CD6: variants seen among roughly 807,000 people sequenced by gnomAD.
CD6 encodes the protein T-cell differentiation antigen CD6.
Under a neutral mutation model 75.3 loss-of-function variants are expected in CD6, and 53 were observed. The ratio of observed to expected loss-of-function variants is 0.70; its 90% CI spans 0.56 to 0.88. CD6 has a LOEUF of 0.88. CD6 is among the 40% of genes least tolerant of loss of function. CD6 has a pLI of 0.00. For missense variants in CD6, 770 were observed against 897.1 expected (o/e 0.86, Z 1.81); for synonymous variants, 359 against 381.5 (o/e 0.94, Z 0.69).
chr11:60,986,541 C>T (rs755263447), intron 1 of CD6, among the ~76,000 whole-genome samples: 1 of 152,220 alleles, frequency 6.6e-6, no homozygotes, highest in Non-Finnish European at 1.5e-5. Flanking sequence ...AACTTTTAGT[C>T]ACCTGCATCT....
At chr11:61,005,019 C>T (rs1803348991) in intron 1 of CD6, among the ~76,000 whole-genome samples, 1 of 152,166 alleles carries the variant, frequency 6.6e-6, no homozygotes, top group Non-Finnish European at 1.5e-5. Context: ...CAGAGCCTCC[C>T]TTTGTGCTTT....
At chr11:60,989,772 G>A (rs1473466636) in intron 1 of CD6, among the ~76,000 whole-genome samples, 1 of 152,106 alleles carries the variant, frequency 6.6e-6, no homozygotes, top group Non-Finnish European at 1.5e-5. Flanking sequence ...GCCTCTTAGG[G>A]GCTCTATTGT....
At position 61,018,113 on chromosome 11, in the gene CD6, C is replaced by T. The variant is rs1565163568; in HGVS notation, c.1837+100C>T. On this transcript the variant is annotated intron_variant, in intron 11 of 12. Transcript: ENST00000313421. The stretch of plus-strand genomic sequence containing the variant: ...GTCAGGCTGAGGTCAGGATTCTACC[C>T]AGTTCCGCAGCCATTCGCTGTGTGC... The T allele has an allele frequency of 4.8e-6, 7 of 1,453,262 alleles. No homozygotes were observed. The South Asian group carries it at 7.6e-5, about 16-fold the overall frequency. 90.0% of individuals were successfully genotyped at this position (1,453,262 alleles called of 1,614,324 possible).
At chr11:61,008,439 A>G (rs1858982058) in intron 3 of CD6, 95 bp from the exon 4 acceptor site, 6 of 1,246,390 alleles carry the variant, frequency 4.8e-6, no homozygotes, top group Non-Finnish European at 6.6e-6. Context: ...CTGGGTCCAC[A>G]ACACGCTCAC....
intron 1 of CD6, among the ~76,000 whole-genome samples, chr11:60,974,999 C>T (rs1857314061): frequency 6.6e-6 from 1 of 152,150 alleles, no homozygotes; most frequent in Non-Finnish European, 1.5e-5. Context: ...TGGCGAGGTC[C>T]TCGAGGGCTG....
rs2074224 is a variant in CD6 at position 61,007,184 on chromosome 11, A to G, written c.119-376A>G. On this transcript the variant is annotated intron_variant, in intron 2 of 12. Transcript: ENST00000313421. This position sits in a 1 kb window ranked among gnomAD's most constrained non-coding sequence, Gnocchi z 4.2. ...CCCTCAGAGGAGCAGAGGGGCCTTCAGGGGAAGCATGCGCCCACTGGACCA... is the reference window on the plus strand; with the variant it reads ...CCCTCAGAGGAGCAGAGGGGCCTTCGGGGGAAGCATGCGCCCACTGGACCA... 0.2 allele frequency among the ~76,000 whole-genome samples: 30,211 copies of G among 152,090 alleles called. 3,610 individuals carry two copies. The highest frequency in any genetic ancestry group is 0.35 in the Middle Eastern group (103 of 294).
intron 1 of CD6, among the ~76,000 whole-genome samples, chr11:60,997,293 G>A (rs1467158848): frequency 6.6e-6 from 1 of 151,358 alleles, no homozygotes; most frequent in Non-Finnish European, 1.5e-5. Flanking sequence ...CAGGAGAATC[G>A]CTTGAACCTG....
rs755421143 is a variant in CD6 at position 61,011,112 on chromosome 11, C to T, written c.1127C>T (p.Ala376Val). ...AATCTGTCCACTCCCGAAGTCCCTG[C>T]AAGTGTTCAGACAGTCACTATAGGT... ...LHNLSTPEVP[A>V]SVQTVTIESS... Residue 376 changes from alanine to valine, a missense_variant, in exon 6 of 13, where the codon GCA (alanine) becomes GTA (valine). By Grantham distance (64) the Ala-to-Val change is moderately conservative (BLOSUM62 0). Coordinates refer to ENST00000313421, the MANE Select transcript of CD6 (RefSeq NM_006725.5). 2 of 1,613,946 alleles carry T rather than the reference C, an allele frequency of 1.2e-6. No individual in the cohort carries two copies. The highest frequency in any genetic ancestry group is 3.3e-5 in the Admixed American group (2 of 60,000).
Position 60,971,692 on chromosome 11 carries a change from G to A in CD6, c.-174G>A. On this transcript the variant is annotated 5_prime_UTR_variant, in exon 1 of 13. Transcript: ENST00000313421. The stretch of plus-strand genomic sequence containing the variant: ...GCAGGCGTGAGACACTCACAGGTTG[G>A]GTTTGATCGCATGCGTGTCGGAGAG... The A allele has an allele frequency of 3.1e-6, 2 of 639,794 alleles. No individual in the cohort carries two copies. Among genetic ancestry groups the A allele is most frequent in the Admixed American group, 2.5e-5 (1 of 40,288 alleles). The allele number at this position is 639,794 out of a possible 1,614,324, so 39.6% of individuals were successfully genotyped here.
rs893446159 is a variant in CD6, at chr11:61,018,359, C to T, written c.1908C>T (p.Pro636=). 4 of 1,605,788 alleles carry T rather than the reference C, an allele frequency of 2.5e-6. No individual in the cohort carries two copies. Among genetic ancestry groups the T allele is most frequent in the Admixed American group, 1.7e-5 (1 of 59,116 alleles). The change falls in exon 12 of 13, where the codon CCC becomes CCT. Residue 636 remains proline (P), a synonymous_variant. Coordinates refer to ENST00000313421, the MANE Select transcript of CD6 (RefSeq NM_006725.5). ...GGTACCAGAACTTCCAGCCACCACC[C>T]CAGCCCCCTTCGGAGGAGCAGTTTG... is the stretch of plus-strand genomic sequence containing the variant. ...GEWYQNFQPP[P]QPPSEEQFGC...
In CD6 at chr11:61,013,551, A is replaced by G. The variant is rs779096053; in HGVS notation, c.1279A>G (p.Lys427Glu). ...CATAGCCTTCATCCTCTTGAGAATTAAAGGAAAATATGGTAAGTGCAAGGT... is the reference window on the plus strand; with the variant it reads ...CATAGCCTTCATCCTCTTGAGAATTGAAGGAAAATATGGTAAGTGCAAGGT... ...IFIAFILLRIKGKYALPVMVN... is the reference protein window; with the variant it reads ...IFIAFILLRIEGKYALPVMVN... Residue 427 changes from lysine (K) to glutamate (E), a missense_variant, in exon 7 of 13, where the codon AAA (lysine) becomes GAA (glutamate). By Grantham distance (56) the Lys-to-Glu change is moderately conservative. Coordinates refer to ENST00000313421, the MANE Select transcript of CD6 (RefSeq NM_006725.5). 8 of 1,614,134 alleles carry G rather than the reference A, an allele frequency of 5.0e-6. No homozygotes were observed. The highest frequency in any genetic ancestry group is 6.8e-6 in the Non-Finnish European group (8 of 1,179,998).
intron 1 of CD6, among the ~76,000 whole-genome samples, chr11:61,000,572 G>A (rs2905517): frequency 0.53 from 79,822 of 151,988 alleles, 22,415 homozygotes; most frequent in East Asian, 0.89. Flanking sequence ...GCACGGCCAG[G>A]GCGGCATTCT....
intron 1 of CD6, among the ~76,000 whole-genome samples, chr11:60,996,375 G>T (rs964961804): frequency 2.6e-5 from 4 of 152,134 alleles, no homozygotes; most frequent in Admixed American, 6.5e-5. Flanking sequence ...CATCAGTGTG[G>T]GTTGGGAGTA....
Position 61,017,767 on chromosome 11 carries a change from G to A in CD6, c.1591G>A (p.Glu531Lys). 4 of 1,614,042 alleles carry A rather than the reference G, an allele frequency of 2.5e-6. No individual in the cohort carries two copies. Among genetic ancestry groups the A allele is most frequent in the South Asian group, 1.1e-5 (1 of 91,074 alleles). Reference sequence around the variant, plus strand: ...TCCCTTTCCTGCCTTAGGACTTGAAGAGTTGCATGCCTCCCACATCCCAAC... The same window carrying A: ...TCCCTTTCCTGCCTTAGGACTTGAAAAGTTGCATGCCTCCCACATCCCAAC... Reference protein sequence around the residue: ...QMPPLEEGLEELHASHIPTAN... With the variant: ...QMPPLEEGLEKLHASHIPTAN... Residue 531 changes from glutamate (E) to lysine (K), a missense_variant, in exon 11 of 13, where the codon GAG becomes AAG. Coordinates refer to ENST00000313421, the MANE Select transcript of CD6 (RefSeq NM_006725.5).
intron 1 of CD6, among the ~76,000 whole-genome samples, chr11:61,003,825 G>A (rs987387756): frequency 2.0e-5 from 3 of 152,220 alleles, no homozygotes; most frequent in African/African-American, 7.2e-5. Context: ...ACGGTTCCAG[G>A]TAATTTCTGC....
chr11:61,007,966 C>T lies in CD6; in HGVS notation c.469+56C>T. ...CCTGCCCCACTCCCCAGGCCTTCAG[C>T]CACTGCCCCTGGCTCCAGACCCTGG... On this transcript the variant is annotated intron_variant, in intron 3 of 12. Transcript: ENST00000313421. This position sits in a 1 kb window ranked among gnomAD's most constrained non-coding sequence, Gnocchi z 4.2. The T allele has an allele frequency of 8.7e-7, 1 of 1,145,830 alleles. No homozygotes were observed. The highest frequency in any genetic ancestry group is 1.1e-6 in the Non-Finnish European group (1 of 889,970). 71.0% of individuals were successfully genotyped at this position (1,145,830 alleles called of 1,614,324 possible).
intron 1 of CD6, among the ~76,000 whole-genome samples, chr11:61,000,505 C>T (rs985950344): frequency 1.3e-5 from 2 of 152,086 alleles, no homozygotes; most frequent in African/African-American, 4.8e-5. Context: ...CTGACAGTGC[C>T]GGAGGACAGA....
At chr11:60,986,108 C>A (rs866671144) in intron 1 of CD6, among the ~76,000 whole-genome samples, 3 of 152,156 alleles carry the variant, frequency 2.0e-5, no homozygotes, top group Admixed American at 6.5e-5. Flanking sequence ...TACTCACCCT[C>A]GGTATCACTC....
intron 1 of CD6, chr11:60,982,493 A>G (rs900706203): frequency 6.8e-6 from 3 of 438,260 alleles, no homozygotes; most frequent in African/African-American, 6.1e-5. Context: ...CTCTTTCAGG[A>G]GGGGTGCCTG....
Sources: gnomAD v4.1 joint callset for allele counts (sites outside exome capture counted in the v4.1 genomes callset) on GRCh38, gnomAD v4.1.1 for gene constraint, Gnocchi (gnomAD v3.1) non-coding constraint, MANE v1.5 for transcripts, NCBI Gene and HGNC (gene_info 2026-07-23, HGNC 2026-07-21) for gene names.